The following TPPP variants were observed in gnomAD, a reference collection of about 807,000 sequenced individuals.
TPPP encodes the protein tubulin polymerization promoting protein, also known as tubulin polymerization-promoting protein.
A neutral mutation model predicts 15.5 loss-of-function variants in TPPP; 6 were observed. That is an observed-to-expected ratio of 0.39 (90% CI 0.21 to 0.77). TPPP has a LOEUF of 0.77. Ranked by LOEUF, TPPP falls within the 30% of genes least tolerant of loss-of-function variation. The pLI is 0.42. For synonymous variants in TPPP, 146 were observed against 133.9 expected, an observed-to-expected ratio of 1.09 and a Z score of -0.63; for missense variants, 269 against 307.2, an observed-to-expected ratio of 0.88 and a Z score of 0.93.
Position 665,982 on chromosome 5 carries a change from G to T in TPPP, c.453C>A (p.Ile151=), listed in dbSNP as rs765719946. ...HRLIEGKAPI[I]SGVTKAISSP... ...CCGCCCTGCTCACCGTCACCCCTGA[G>T]ATGATGGGCGCCTTGCCCTCGATGA... Residue 151 remains isoleucine (I), a synonymous_variant, in exon 3 of 4, where the codon ATC becomes ATA. Coordinates refer to ENST00000360578, the MANE Select transcript of TPPP (RefSeq NM_007030.3). 2 of 1,501,148 alleles carry T rather than the reference G, an allele frequency of 1.3e-6. No homozygotes were observed. Among genetic ancestry groups the T allele is most frequent in the Non-Finnish European group, 1.8e-6 (2 of 1,116,102 alleles). 93.0% of individuals were successfully genotyped at this position (1,501,148 alleles called of 1,614,324 possible).
At chr5:693,436 A>G (rs1412454401), upstream of TPPP, 1 of 89,824 alleles carries the variant, frequency 1.1e-5, no homozygotes, top group Non-Finnish European at 2.2e-5. Context: ...CCCGGCCCCC[A>G]GCGTCCGGCG....
At chr5:667,070 C>G (rs1739947485) in intron 2 of TPPP, 1 of 147,276 alleles carries the variant, frequency 6.8e-6, no homozygotes, top group African/African-American at 2.7e-5. Context: ...GACAAATGAC[C>G]CATAAAACCC....
At chr5:667,882 A>G (rs59653254) in intron 2 of TPPP, among the ~76,000 whole-genome samples, 12,211 of 45,846 alleles carry the variant, frequency 0.27, 1,947 homozygotes, top group African/African-American at 0.49. Context: ...ACAAGCACAC[A>G]GAGAGGGGGC....
intron 2 of TPPP, among the ~76,000 whole-genome samples, chr5:671,955 C>T (rs1383371995): frequency 1.3e-5 from 2 of 152,204 alleles, no homozygotes; most frequent in East Asian, 3.9e-4. Flanking sequence ...CTGGCCCCTT[C>T]CAGGGAAGCT....
At chr5:670,889 G>A (rs1385493176) in intron 2 of TPPP, among the ~76,000 whole-genome samples, 3 of 152,208 alleles carry the variant, frequency 2.0e-5, no homozygotes, top group Non-Finnish European at 4.4e-5. Context: ...GTGAGGTGAT[G>A]TCTGGCCACC....
At chr5:666,451 A>C (rs1243060312) in intron 2 of TPPP, among the ~76,000 whole-genome samples, 5 of 152,184 alleles carry the variant, frequency 3.3e-5, no homozygotes, top group Admixed American at 2.6e-4. Context: ...AGCCCCGCCC[A>C]GCTGCGCCGG....
chr5:686,684 C>T (rs1740775622), intron 1 of TPPP, among the ~76,000 whole-genome samples: 1 of 146,522 alleles, frequency 6.8e-6, no homozygotes, highest in Non-Finnish European at 1.5e-5. Context: ...AGCCCTAAAT[C>T]CAATGGTGAG....
chr5:677,803 G>A lies in TPPP; in HGVS notation c.258C>T (p.Ile86=), dbSNP rs375644201. ...CAGTGACGGTCACGTTCCTGCCGTC[G>A]ATCACCTGGCAGTCCTTGCACAGCT... ...WSKLCKDCQV[I]DGRNVTVTDV... Residue 86 remains isoleucine, a synonymous_variant, in exon 2 of 4, where the codon ATC becomes ATT. Coordinates refer to ENST00000360578, the MANE Select transcript of TPPP (RefSeq NM_007030.3). 39 of 1,601,726 alleles carry A rather than the reference G, an allele frequency of 2.4e-5. No homozygotes were observed. In the East Asian group the frequency reaches 6.5e-4, roughly 27 times the overall value.
chr5:696,371 G>A (rs1216196547), upstream of TPPP, among the ~76,000 whole-genome samples: 6 of 140,128 alleles, frequency 4.3e-5, 1 homozygote, highest in East Asian at 3.9e-4. Flanking sequence ...TGAGGATGCC[G>A]GGTCCCAGCA....
At chr5:677,013 A>G (rs1278955014) in intron 2 of TPPP, among the ~76,000 whole-genome samples, 1 of 147,106 alleles carries the variant, frequency 6.8e-6, no homozygotes, top group Non-Finnish European at 1.5e-5. Flanking sequence ...CACACGCAGA[A>G]ACGCGCACAC....
intron 1 of TPPP, among the ~76,000 whole-genome samples, chr5:684,890 T>A (rs1740725840): frequency 6.6e-6 from 1 of 151,880 alleles, no homozygotes; most frequent in African/African-American, 2.4e-5. Flanking sequence ...TCTGTGCACA[T>A]CCCCCTGCAG....
intron 1 of TPPP, among the ~76,000 whole-genome samples, chr5:681,303 C>A (rs1207787418): frequency 6.6e-6 from 1 of 152,212 alleles, no homozygotes; most frequent in African/African-American, 2.4e-5. Flanking sequence ...TCCAGGAAGA[C>A]AAACTGCTCA....
rs757382496 is a variant in TPPP at position 677,739 on chromosome 5, A to G, written c.311+11T>C. On this transcript the variant is annotated intron_variant, in intron 2 of 3. Transcript: ENST00000360578. ...GTCAGGTCCCTCGGCCCGTGAGCCC[A>G]GCGCACTCACTTGATCTTGCTGAAG... is the stretch of plus-strand genomic sequence containing the variant. 3 of 1,543,310 alleles carry G rather than the reference A, an allele frequency of 1.9e-6. No homozygotes were observed. The African/African-American group carries it at 4.1e-5, about 21-fold the overall frequency.
At chr5:696,882 C>G (rs1333417463), upstream of TPPP, among the ~76,000 whole-genome samples, 5 of 95,908 alleles carry the variant, frequency 5.2e-5, no homozygotes, top group Non-Finnish European at 1.3e-4. Flanking sequence ...ATTTGTGTGT[C>G]TCTGTGTGTA....
At chr5:675,845 A>G (rs1740413598) in intron 2 of TPPP, 1 of 152,224 alleles carries the variant, frequency 6.6e-6, no homozygotes, top group African/African-American at 2.4e-5. Flanking sequence ...ATGACTACCT[A>G]CACAGAGGGG....
intron 3 of TPPP, 32 bp downstream of exon 3, chr5:665,938 C>CCCCCCCCCCCCAACAA: frequency 1.5e-6 from 2 of 1,366,606 alleles, no homozygotes; most frequent in Non-Finnish European, 1.9e-6. Flanking sequence ...CCACCCCCTC[C>CCCCCCCCCCCCAACAA]AGGCCCCGCC....
intron 3 of TPPP, 34 bp downstream of exon 3, chr5:665,930 ACCCCCT>A: frequency 7.0e-6 from 1 of 143,406 alleles, no homozygotes; most frequent in Non-Finnish European, 9.0e-6. Flanking sequence ...CCCCGCCCCC[ACCCCCT>A]CCAGGCCCCG....
chr5:668,406 GC>G (rs1378719825), intron 2 of TPPP, among the ~76,000 whole-genome samples: 3 of 116,464 alleles, frequency 2.6e-5, no homozygotes, highest in African/African-American at 1.1e-4. Context: ...GTACCGACAA[GC>G]ACACAGAGAG....
chr5:680,893 T>A (rs446181), intron 1 of TPPP, among the ~76,000 whole-genome samples: 106,986 of 152,214 alleles, frequency 0.7, 38,935 homozygotes, highest in African/African-American at 0.91. Flanking sequence ...CTGTGGGAAG[T>A]CAGCCAGGCT....
Sources: allele counts gnomAD v4.1 joint callset (sites outside exome capture counted in the v4.1 genomes callset), GRCh38; gene constraint gnomAD v4.1.1; transcripts MANE v1.5; gene names NCBI Gene and HGNC (gene_info 2026-07-23, HGNC 2026-07-21).